The following ZNF536 variants were observed in gnomAD, a reference collection of about 807,000 sequenced individuals.
ZNF536 encodes the protein zinc finger protein 536.
Under a neutral mutation model 84.5 loss-of-function variants are expected in ZNF536, and 13 were observed. The observed-to-expected ratio is 0.15, with a 90% CI of 0.10 to 0.24. The LOEUF (loss-of-function observed/expected upper bound fraction) is 0.24, where lower values mean the gene tolerates loss of function less well. Ranked by LOEUF, ZNF536 falls within the 10% of genes least tolerant of loss-of-function variation. ZNF536 has a pLI of 1.00. For synonymous variants in ZNF536, 811 were observed against 742.5 expected, an observed-to-expected ratio of 1.09 and a Z score of -1.50; for missense variants, 1,536 against 1,747.5, an observed-to-expected ratio of 0.88 and a Z score of 2.16.
At chr19:30,432,249 T>C (rs75714721) in intron 1 of ZNF536, among the ~76,000 whole-genome samples, 1,638 of 152,246 alleles carry the variant, frequency 0.011, 28 homozygotes, top group African/African-American at 0.037. Context: ...AGTCCGTGGA[T>C]GTGACACCGT....
chr19:30,262,561 C>T (rs2025283547), intron 1 of ZNF536, among the ~76,000 whole-genome samples: 1 of 152,142 alleles, frequency 6.6e-6, no homozygotes, highest in South Asian at 2.1e-4. Context: ...GCGTGTGCTG[C>T]CCCAGGAAGG....
rs80208332 is a variant in ZNF536, at chr19:30,600,932, C to T, written c.169+51418C>T. On this transcript the variant is annotated intron_variant, in intron 1 of 1. Coordinates refer to the ZNF536 transcript ENST00000592773. ...TGGAAAAGTGAACGCTTGTTTTATTCGTTGTTTTTGTTGTTAATTGAGCAA... is the reference window on the plus strand; with the variant it reads ...TGGAAAAGTGAACGCTTGTTTTATTTGTTGTTTTTGTTGTTAATTGAGCAA... Among the ~76,000 whole-genome samples the T allele has an allele frequency of 5.6e-3, 846 of 152,248 alleles. 7 individuals carry two copies. Among genetic ancestry groups the T allele is most frequent in the African/African-American group, 0.019 (796 of 41,548 alleles).
chr19:30,528,518 A>G (rs1288141125), intron 2 of ZNF536, among the ~76,000 whole-genome samples: 2 of 152,186 alleles, frequency 1.3e-5, no homozygotes, highest in East Asian at 3.9e-4. Context: ...TTTTCCCACA[A>G]TGGCTACCCC....
At chr19:30,651,044 T>C (rs1438717653) in intron 1 of ZNF536, among the ~76,000 whole-genome samples, 1 of 152,224 alleles carries the variant, frequency 6.6e-6, no homozygotes, top group Non-Finnish European at 1.5e-5. Context: ...CTCAGAGCTT[T>C]AAATTCTCCA....
chr19:30,505,082 G>A (rs11880513), intron 2 of ZNF536, among the ~76,000 whole-genome samples: 17,595 of 151,806 alleles, frequency 0.12, 1,264 homozygotes, highest in East Asian at 0.28. Flanking sequence ...CTCTTAGTCC[G>A]CCCAGTAGCT....
upstream of ZNF536, among the ~76,000 whole-genome samples, chr19:30,226,986 CA>C (rs373104006): frequency 0.064 from 9,072 of 142,328 alleles, 297 homozygotes; most frequent in South Asian, 0.1. The surrounding 1 kb of genome is among the most constrained non-coding windows in gnomAD (Gnocchi z 4.6). Context: ...GTATTTTAGG[CA>C]AAAAAAAAAA....
rs142551026 is a variant in ZNF536, at chr19:30,449,401, C to T, written c.2170+3669C>T. ...ATCTTTGCATCTTTCTCTAAAACCT[C>T]CTCTAGGGCTGAGCTCGAATCCTCG... On this transcript the variant is annotated intron_variant, in intron 2 of 4. Coordinates refer to ENST00000355537, the MANE Select transcript of ZNF536 (RefSeq NM_014717.3). 1.4e-3 allele frequency among the ~76,000 whole-genome samples: 206 copies of T among 152,332 alleles called. 2 individuals carry two copies. Among genetic ancestry groups the T allele is most frequent in the Middle Eastern group, 6.8e-3 (2 of 294 alleles).
chr19:30,655,688 A>G (rs2049883420), intron 1 of ZNF536, among the ~76,000 whole-genome samples: 1 of 152,170 alleles, frequency 6.6e-6, no homozygotes, highest in Non-Finnish European at 1.5e-5. Flanking sequence ...TATCCAAGGG[A>G]GGAATCTAGC....
intron 3 of ZNF536, among the ~76,000 whole-genome samples, chr19:30,541,895 A>T (rs1490066395): frequency 3.2e-4 from 48 of 152,214 alleles, no homozygotes; most frequent in Admixed American, 3.1e-3. Flanking sequence ...TCAGGTTTAC[A>T]ACATATATAT....
chr19:30,604,849 G>A (rs1406993895), intron 1 of ZNF536, among the ~76,000 whole-genome samples: 1 of 152,160 alleles, frequency 6.6e-6, no homozygotes. Flanking sequence ...AGGAAGCCCT[G>A]GCCCTGAAAT....
At chr19:30,538,500 G>T (rs1371158887) in intron 3 of ZNF536, among the ~76,000 whole-genome samples, 1 of 152,166 alleles carries the variant, frequency 6.6e-6, no homozygotes, top group Non-Finnish European at 1.5e-5. Flanking sequence ...ACACCTGTTT[G>T]TTGGAGAGGT....
At chr19:30,468,905 C>T (rs1453306602) in intron 2 of ZNF536, among the ~76,000 whole-genome samples, 2 of 152,030 alleles carry the variant, frequency 1.3e-5, no homozygotes, top group African/African-American at 4.8e-5. Flanking sequence ...CCATTCCCAC[C>T]TGAGAATGTC....
rs1172823406 is a variant in ZNF536, at chr19:30,549,290, C to T, written c.3671C>T (p.Pro1224Leu). Residue 1224 changes from proline (P) to leucine (L), a missense_variant, in exon 4 of 5, where the codon CCT (proline) becomes CTT (leucine). Around this residue, in one of 8 missense-constraint regions of ZNF536, gnomAD observed 624 missense variants for 603.1 expected, o/e 1.03. Coordinates refer to ENST00000355537, the MANE Select transcript of ZNF536 (RefSeq NM_014717.3). Reference protein sequence around the residue: ...TSQPVQGLVSPLSQAPEKQWH... With the variant: ...TSQPVQGLVSLLSQAPEKQWH... Reference sequence around the variant, plus strand: ...CAGCCCGTCCAGGGACTGGTCTCACCTTTATCCCAAGCACCGGAGAAGCAG... The same window carrying T: ...CAGCCCGTCCAGGGACTGGTCTCACTTTTATCCCAAGCACCGGAGAAGCAG... 1.2e-6 allele frequency: 2 copies of T among 1,613,570 alleles called. No homozygotes were observed. The highest frequency in any genetic ancestry group is 1.7e-6 in the Non-Finnish European group (2 of 1,179,914).
At chr19:30,522,319 C>T (rs2044393558) in intron 2 of ZNF536, among the ~76,000 whole-genome samples, 3 of 49,512 alleles carry the variant, frequency 6.1e-5, no homozygotes, top group African/African-American at 2.6e-4. Context: ...TTAATGTCAA[C>T]TGAAGTATTT....
intron 1 of ZNF536, among the ~76,000 whole-genome samples, chr19:30,699,656 C>T (rs2051813295): frequency 6.6e-6 from 1 of 152,074 alleles, no homozygotes; most frequent in African/African-American, 2.4e-5. Flanking sequence ...TCTCTGTGGG[C>T]CTAGTGATTC....
intron 1 of ZNF536, among the ~76,000 whole-genome samples, chr19:30,420,106 G>A (rs528715082): frequency 1.3e-5 from 2 of 152,312 alleles, no homozygotes; most frequent in African/African-American, 2.4e-5. Flanking sequence ...GGGATGTCAC[G>A]GGGAACTGCT....
intron 2 of ZNF536, among the ~76,000 whole-genome samples, chr19:30,483,540 C>T (rs2054175028): frequency 7.7e-6 from 1 of 129,662 alleles, no homozygotes; most frequent in Non-Finnish European, 1.6e-5. Flanking sequence ...CCAGGCGGTT[C>T]CTTCTCACAC....
chr19:30,549,078 G>A lies in ZNF536; in HGVS notation c.3459G>A (p.Thr1153=), dbSNP rs199740602. 4.9e-5 allele frequency: 79 copies of A among 1,614,120 alleles called. No individual in the cohort carries two copies. The East Asian group carries it at 1.1e-3, about 23-fold the overall frequency. ...TCCCCATCCTGATCCCCGAAACCAC[G>A]AGTAAGAACACTACTGATGACCTCT... The part of the protein sequence containing the change: ...EDVPILIPET[T]SKNTTDDLSD... The change falls in exon 4 of 5, where the codon ACG becomes ACA. Residue 1153 remains threonine (T), a synonymous_variant. Coordinates refer to ENST00000355537, the MANE Select transcript of ZNF536 (RefSeq NM_014717.3).
At chr19:30,610,068 T>C (rs1044219926) in intron 1 of ZNF536, among the ~76,000 whole-genome samples, 3 of 152,198 alleles carry the variant, frequency 2.0e-5, no homozygotes, top group African/African-American at 7.2e-5. Flanking sequence ...GTCACAGATA[T>C]TTATTGAGAA....
Sources: allele counts gnomAD v4.1 joint callset (sites outside exome capture counted in the v4.1 genomes callset), GRCh38; gene constraint gnomAD v4.1.1; regional missense constraint gnomAD v4.1.1; non-coding constraint Gnocchi (gnomAD v3.1); transcripts MANE v1.5; gene names NCBI Gene and HGNC (gene_info 2026-07-23, HGNC 2026-07-21).